Variants in TOX2 observed in about 807,000 individuals in gnomAD.
TOX2 encodes TOX high mobility group box family member 2.
A neutral mutation model predicts 47.4 loss-of-function variants in TOX2; 15 were observed. The ratio of observed to expected loss-of-function variants is 0.32; its 90% CI spans 0.21 to 0.49. TOX2 has a LOEUF of 0.49. Ranked by LOEUF, TOX2 falls within the 20% of genes least tolerant of loss-of-function variation. The probability of loss-of-function intolerance (pLI) is 0.99; values close to 1 mark genes in which losing one functional copy is unlikely to be tolerated. For synonymous variants in TOX2, 290 were observed against 296.6 expected, an observed-to-expected ratio of 0.98 and a Z score of 0.23; for missense variants, 622 against 673.1, an observed-to-expected ratio of 0.92 and a Z score of 0.84.
intron 3 of TOX2, among the ~76,000 whole-genome samples, chr20:44,024,427 C>G (rs554550122): frequency 6.6e-6 from 1 of 150,578 alleles, no homozygotes; most frequent in Non-Finnish European, 1.5e-5. Context: ...TCCCTTCTTT[C>G]TTTTTGTAGA....
chr20:44,018,589 T>A (rs2145641824), intron 3 of TOX2, among the ~76,000 whole-genome samples: 1 of 152,268 alleles, frequency 6.6e-6, no homozygotes, highest in Admixed American at 6.5e-5. Flanking sequence ...TTTATTGGAG[T>A]CATTTTCCCC....
chr20:44,044,318 C>A (rs2071380645), intron 3 of TOX2, among the ~76,000 whole-genome samples: 1 of 151,800 alleles, frequency 6.6e-6, no homozygotes, highest in Non-Finnish European at 1.5e-5. Flanking sequence ...GGAGATATAC[C>A]TAATGTAAAT....
chr20:44,017,403 G>A (rs746198937), intron 3 of TOX2, among the ~76,000 whole-genome samples: 2 of 152,284 alleles, frequency 1.3e-5, no homozygotes. Context: ...TGTCAACCCG[G>A]CTTTCCCTGG....
At chr20:44,050,245 T>G (rs1045820740) in intron 3 of TOX2, among the ~76,000 whole-genome samples, 4 of 152,182 alleles carry the variant, frequency 2.6e-5, no homozygotes, top group Admixed American at 6.5e-5. Flanking sequence ...AAGCAGCAAT[T>G]ATGAATCTTT....
At chr20:44,040,456 G>T (rs1010102619) in intron 3 of TOX2, among the ~76,000 whole-genome samples, 8 of 152,170 alleles carry the variant, frequency 5.3e-5, no homozygotes, top group African/African-American at 1.9e-4. Flanking sequence ...GGATGGAGAA[G>T]TGTCTTGGGG....
intron 2 of TOX2, among the ~76,000 whole-genome samples, chr20:43,993,234 A>G (rs1289706878): frequency 6.6e-6 from 1 of 152,146 alleles, no homozygotes; most frequent in African/African-American, 2.4e-5. Context: ...TAATGGGAGT[A>G]TCACCATCAG....
Position 44,021,802 on chromosome 20 carries a change from A to ATT in TOX2, c.411+15024_411+15025dup, listed in dbSNP as rs34597914. 5.3e-3 allele frequency among the ~76,000 whole-genome samples: 770 copies of ATT among 145,078 alleles called. 5 individuals carry two copies. Among genetic ancestry groups the ATT allele is most frequent in the African/African-American group, 0.016 (615 of 39,362 alleles). On this transcript the variant is annotated intron_variant, in intron 3 of 8. Coordinates refer to ENST00000341197, the MANE Select transcript of TOX2 (RefSeq NM_001098797.2). The stretch of plus-strand genomic sequence containing the variant: ...CACCACCATGTCTGGCTAATTTTTG[A>ATT]TTTTTTTTTTTTTTTAAGAGATGGG...
At chr20:43,994,469 A>AAAAAG (rs2070432513) in intron 2 of TOX2, among the ~76,000 whole-genome samples, 1 of 152,002 alleles carries the variant, frequency 6.6e-6, no homozygotes, top group African/African-American at 2.4e-5. Context: ...CAAAAAAAAA[A>AAAAAG]AAAAAGACTA....
intron 1 of TOX2, among the ~76,000 whole-genome samples, chr20:43,949,382 G>A (rs534499158): frequency 2.6e-5 from 4 of 152,160 alleles, no homozygotes; most frequent in Non-Finnish European, 5.9e-5. Context: ...TGTTCTTCTC[G>A]CAGCAGCCAG....
intron 2 of TOX2, among the ~76,000 whole-genome samples, chr20:43,983,635 T>C (rs1418290368): frequency 2.0e-5 from 3 of 152,194 alleles, no homozygotes; most frequent in Non-Finnish European, 2.9e-5. Flanking sequence ...CCTGTGCTGG[T>C]ATCACTCTGA....
chr20:44,056,969 G>C (rs962088327), intron 5 of TOX2, among the ~76,000 whole-genome samples: 6 of 152,154 alleles, frequency 3.9e-5, no homozygotes, highest in Admixed American at 6.5e-5. Flanking sequence ...GAGGTCAGTG[G>C]CATGATCATA....
At chr20:43,962,129 A>G (rs2069771512) in intron 1 of TOX2, among the ~76,000 whole-genome samples, 1 of 152,236 alleles carries the variant, frequency 6.6e-6, no homozygotes, top group South Asian at 2.1e-4. Context: ...GAGCTGAGAG[A>G]GAGGATAATT....
chr20:44,040,935 T>G (rs2071322370), intron 3 of TOX2, among the ~76,000 whole-genome samples: 1 of 152,030 alleles, frequency 6.6e-6, no homozygotes, highest in Non-Finnish European at 1.5e-5. Context: ...ATTGATGAGA[T>G]GCAGCCGACA....
chr20:44,066,408 G>A lies in TOX2; in HGVS notation c.1356+301G>A, dbSNP rs150441964. ...CCAAAGCCTTCGAGACCTTACCCCC[G>A]CTAATTGTTCCACAGAGATTGCTAC... On this transcript the variant is annotated intron_variant, in intron 7 of 8. Coordinates refer to ENST00000341197, the MANE Select transcript of TOX2 (RefSeq NM_001098797.2). Among the ~76,000 whole-genome samples the A allele has an allele frequency of 9.7e-4, 148 of 152,206 alleles. 1 individual carries two copies. Among genetic ancestry groups the A allele is most frequent in the Admixed American group, 4.0e-3 (61 of 15,284 alleles).
chr20:44,049,216 T>C (rs1044102791), intron 3 of TOX2, among the ~76,000 whole-genome samples: 2 of 152,120 alleles, frequency 1.3e-5, no homozygotes, highest in African/African-American at 2.4e-5. Flanking sequence ...CTGTGTAAGA[T>C]TAAAGAGCCA....
At chr20:43,998,236 A>C (rs2070512391) in intron 2 of TOX2, among the ~76,000 whole-genome samples, 4 of 152,210 alleles carry the variant, frequency 2.6e-5, no homozygotes, top group Non-Finnish European at 4.4e-5. Context: ...CCCATGATCC[A>C]ATCACCTTCC....
intron 2 of TOX2, 21 bp from the exon 3 acceptor site, chr20:44,006,526 C>T: frequency 1.3e-6 from 2 of 1,598,798 alleles, no homozygotes; most frequent in Non-Finnish European, 8.5e-7. Flanking sequence ...CCCCCACCGA[C>T]ATGTCTTTTT....
chr20:43,969,781 C>T (rs2069930559), intron 1 of TOX2, among the ~76,000 whole-genome samples: 1 of 152,240 alleles, frequency 6.6e-6, no homozygotes, highest in African/African-American at 2.4e-5. Flanking sequence ...CCTCGGGAAC[C>T]TCTGCCAGCT....
In TOX2 at chr20:44,018,436, C is replaced by T. The variant is rs374687047; in HGVS notation, c.411+11644C>T. On this transcript the variant is annotated intron_variant, in intron 3 of 8. Transcript: ENST00000341197. The stretch of plus-strand genomic sequence containing the variant: ...CAGCGACATTCGTCAGCTGCAGCCT[C>T]GATATTACTGGGTGTAATGGCTCTT... 6.6e-4 allele frequency among the ~76,000 whole-genome samples: 101 copies of T among 152,260 alleles called. 1 individual carries two copies. The highest frequency in any genetic ancestry group is 2.1e-3 in the African/African-American group (86 of 41,546).
Sources: gnomAD v4.1 joint callset for allele counts (sites outside exome capture counted in the v4.1 genomes callset) on GRCh38, gnomAD v4.1.1 for gene constraint, MANE v1.5 for transcripts, NCBI Gene and HGNC (gene_info 2026-07-23, HGNC 2026-07-21) for gene names.